Variants in EGFLAM observed in about 807,000 individuals in gnomAD.
The protein encoded by EGFLAM is pikachurin.
A neutral mutation model predicts 113.1 loss-of-function variants in EGFLAM; 79 were observed. The observed-to-expected ratio is 0.70, with a 90% CI of 0.58 to 0.84. The LOEUF (loss-of-function observed/expected upper bound fraction) is 0.84. EGFLAM is among the 40% of genes least tolerant of loss of function. The pLI is 0.00. For missense variants in EGFLAM, 1,265 were observed against 1,291.6 expected, an observed-to-expected ratio of 0.98 and a Z score of 0.32; for synonymous variants, 504 against 487.6, an observed-to-expected ratio of 1.03 and a Z score of -0.44.
chr5:38,335,072 T>A (rs546414778), intron 1 of EGFLAM, among the ~76,000 whole-genome samples: 1 of 152,256 alleles, frequency 6.6e-6, no homozygotes, highest in East Asian at 1.9e-4. Flanking sequence ...GTCAATAGTG[T>A]CAAGGTCGAG....
intron 1 of EGFLAM, among the ~76,000 whole-genome samples, chr5:38,330,431 G>A (rs1739011497): frequency 6.6e-6 from 1 of 152,124 alleles, no homozygotes; most frequent in African/African-American, 2.4e-5. Flanking sequence ...GGGGGTGAAG[G>A]CAGAGGCTTC....
Position 38,347,742 on chromosome 5 carries a change from G to A in EGFLAM, c.292-2759G>A, listed in dbSNP as rs373930548. Among the ~76,000 whole-genome samples the A allele has an allele frequency of 5.3e-5, 8 of 152,102 alleles. No homozygotes were observed. The East Asian group carries it at 1.2e-3, about 22-fold the overall frequency. On this transcript the variant is annotated intron_variant, in intron 3 of 21. Transcript: ENST00000322350. ...AGGATAAACAGGGGGACAAAAACAC[G>A]CTCTTCTAAGGGGTTTTAAAGTGTG...
chr5:38,437,667 G>A (rs919905535), intron 16 of EGFLAM, among the ~76,000 whole-genome samples: 10 of 152,190 alleles, frequency 6.6e-5, no homozygotes, highest in African/African-American at 2.2e-4. Context: ...TGGTTCTAAT[G>A]TGCAGCTGGG....
intron 1 of EGFLAM, among the ~76,000 whole-genome samples, chr5:38,319,012 C>T (rs780214673): frequency 3.3e-5 from 5 of 152,116 alleles, no homozygotes; most frequent in African/African-American, 7.2e-5. Context: ...CCTCACTAGG[C>T]GTTCCTATGT....
intron 5 of EGFLAM, among the ~76,000 whole-genome samples, chr5:38,359,364 A>G (rs1200029201): frequency 6.6e-6 from 1 of 152,228 alleles, no homozygotes; most frequent in Non-Finnish European, 1.5e-5. Flanking sequence ...AAAGCTCAGC[A>G]ATGGCTGTTT....
intron 1 of EGFLAM, among the ~76,000 whole-genome samples, chr5:38,317,228 A>G (rs939299008): frequency 6.6e-6 from 1 of 152,166 alleles, no homozygotes; most frequent in African/African-American, 2.4e-5. Context: ...AGTAACTTAT[A>G]TAATGTTGCA....
intron 17 of EGFLAM, among the ~76,000 whole-genome samples, chr5:38,447,118 G>A (rs1033315989): frequency 6.6e-6 from 1 of 152,056 alleles, no homozygotes; most frequent in East Asian, 1.9e-4. Flanking sequence ...TATTTCTCCA[G>A]CAGAAATCCC....
chr5:38,417,557 G>A (rs775905327), intron 11 of EGFLAM, among the ~76,000 whole-genome samples: 1 of 151,936 alleles, frequency 6.6e-6, no homozygotes, highest in Non-Finnish European at 1.5e-5. Flanking sequence ...TAATCTGTTT[G>A]GTAATTCCCC....
chr5:38,317,134 A>G (rs1038855618), intron 1 of EGFLAM, among the ~76,000 whole-genome samples: 6 of 152,196 alleles, frequency 3.9e-5, no homozygotes, highest in African/African-American at 1.4e-4. Context: ...GAACATGTCA[A>G]AAAAATATCT....
rs141374509 is a variant in EGFLAM at position 38,288,621 on chromosome 5, C to T, written c.97+29770C>T. ...GAGCTGAGAAAATATAGGTCTCTTA[C>T]CAATTATTGGAGAGAAGTGGTATTG... On this transcript the variant is annotated intron_variant, in intron 1 of 21. Transcript: ENST00000322350. Among the ~76,000 whole-genome samples, 366 of 150,240 alleles carry T rather than the reference C, an allele frequency of 2.4e-3. 3 individuals are homozygous for T. Among genetic ancestry groups the T allele is most frequent in the Non-Finnish European group, 4.2e-3 (286 of 68,018 alleles).
chr5:38,349,724 TC>T (rs1437543342), intron 3 of EGFLAM, among the ~76,000 whole-genome samples: 2 of 150,496 alleles, frequency 1.3e-5, no homozygotes, highest in Non-Finnish European at 2.9e-5. Context: ...AAAGCCCTCT[TC>T]CGCTGGGGCT....
intron 14 of EGFLAM, chr5:38,429,801 T>C (rs72742510): frequency 0.059 from 9,041 of 152,372 alleles, 466 homozygotes; most frequent in African/African-American, 0.14. Context: ...TTTTGCTATA[T>C]TTGCCTCATC....
At chr5:38,317,401 G>A (rs1021455694) in intron 1 of EGFLAM, among the ~76,000 whole-genome samples, 2 of 152,080 alleles carry the variant, frequency 1.3e-5, no homozygotes, top group African/African-American at 2.4e-5. Flanking sequence ...CCTTGTGCCT[G>A]GCCTTGGAGT....
intron 17 of EGFLAM, among the ~76,000 whole-genome samples, chr5:38,442,406 TATTA>T (rs1211004708): frequency 1.4e-5 from 2 of 144,310 alleles, no homozygotes; most frequent in East Asian, 3.9e-4. Flanking sequence ...AATTTTAATA[TATTA>T]ATTATTTTAA....
At chr5:38,436,186 A>G (rs1010951825) in intron 16 of EGFLAM, among the ~76,000 whole-genome samples, 3 of 152,156 alleles carry the variant, frequency 2.0e-5, no homozygotes, top group South Asian at 2.1e-4. Context: ...TCTGTCTGCA[A>G]CAGACCTGCA....
At chr5:38,338,049 A>G (rs1108350) in intron 2 of EGFLAM, among the ~76,000 whole-genome samples, 47,669 of 152,112 alleles carry the variant, frequency 0.31, 8,743 homozygotes, top group African/African-American at 0.51. Flanking sequence ...ATTCTTATCT[A>G]TCAGAGGCTG....
chr5:38,274,186 A>T (rs1386631566), intron 1 of EGFLAM, among the ~76,000 whole-genome samples: 5 of 152,198 alleles, frequency 3.3e-5, no homozygotes, highest in Non-Finnish European at 5.9e-5. Flanking sequence ...GAATGAAGAA[A>T]GCTTACAGTA....
At chr5:38,337,804 T>G (rs1579790504) in intron 2 of EGFLAM, among the ~76,000 whole-genome samples, 175 bp downstream of exon 2, 1 of 152,212 alleles carries the variant, frequency 6.6e-6, no homozygotes, top group African/African-American at 2.4e-5. Context: ...GCCCTGAATG[T>G]CACATCACAT....
At chr5:38,440,454 T>C (rs1742496824) in intron 17 of EGFLAM, among the ~76,000 whole-genome samples, 1 of 152,202 alleles carries the variant, frequency 6.6e-6, no homozygotes, top group Non-Finnish European at 1.5e-5. Context: ...GCAGTTGCCA[T>C]GCCGACTGCT....
Sources: gnomAD v4.1 joint callset for allele counts (sites outside exome capture counted in the v4.1 genomes callset) on GRCh38, gnomAD v4.1.1 for gene constraint, MANE v1.5 for transcripts, NCBI Gene and HGNC (gene_info 2026-07-23, HGNC 2026-07-21) for gene names.